The following ACCSL variants were observed in gnomAD, a reference collection of about 807,000 sequenced individuals.
ACCSL encodes probable inactive 1-aminocyclopropane-1-carboxylate synthase-like protein 2.
In ACCSL, 55 loss-of-function variants were observed where a neutral mutation model predicts 61.7. That is an observed-to-expected ratio of 0.89 (90% CI 0.72 to 1.12). ACCSL has a LOEUF of 1.12. ACCSL is among the 50% of genes most tolerant of loss of function. ACCSL has a pLI of 0.00. For synonymous variants in ACCSL, 258 were observed against 264.3 expected, an observed-to-expected ratio of 0.98 and a Z score of 0.23; for missense variants, 632 against 698.0, an observed-to-expected ratio of 0.91 and a Z score of 1.07.
At chr11:44,015,750 C>CT in the ACCSL span, among the ~76,000 whole-genome samples, 1 of 152,184 alleles carries the variant, frequency 6.6e-6, no homozygotes, top group Non-Finnish European at 1.5e-5. Flanking sequence ...AGAGCCTGGG[C>CT]TGCGTCATCA....
At chr11:44,002,772 A>T in the ACCSL span, among the ~76,000 whole-genome samples, 67,504 of 151,930 alleles carry the variant, frequency 0.44, 15,545 homozygotes, top group Middle Eastern at 0.57. Context: ...TAAAATGGGG[A>T]TAGTTACCCT....
chr11:43,984,453 T>G, the ACCSL span, among the ~76,000 whole-genome samples: 1 of 152,162 alleles, frequency 6.6e-6, no homozygotes, highest in African/African-American at 2.4e-5. Flanking sequence ...GAATGGACTA[T>G]GGGATCACAC....
chr11:44,038,797 T>A, the ACCSL span, among the ~76,000 whole-genome samples: 1 of 152,220 alleles, frequency 6.6e-6, no homozygotes, highest in Non-Finnish European at 1.5e-5. Flanking sequence ...TGAATGCCTA[T>A]TGGAGGAATA....
the ACCSL span, among the ~76,000 whole-genome samples, chr11:43,956,644 C>T: frequency 6.6e-6 from 1 of 152,216 alleles, no homozygotes; most frequent in Non-Finnish European, 1.5e-5. Flanking sequence ...TGGTCTCAAT[C>T]TCCTGACCTT....
At chr11:43,930,486 G>T in the ACCSL span, among the ~76,000 whole-genome samples, 5 of 152,106 alleles carry the variant, frequency 3.3e-5, no homozygotes, top group African/African-American at 9.7e-5. Flanking sequence ...GTGAGTTCTT[G>T]CTCTGTTATT....
chr11:43,995,877 T>TCCTC, the ACCSL span, among the ~76,000 whole-genome samples: 3 of 152,170 alleles, frequency 2.0e-5, no homozygotes, highest in Non-Finnish European at 4.4e-5. Context: ...GATATGGAAG[T>TCCTC]CCTCCCCTAA....
At chr11:43,938,539 C>T in the ACCSL span, among the ~76,000 whole-genome samples, 1 of 152,236 alleles carries the variant, frequency 6.6e-6, no homozygotes, top group Non-Finnish European at 1.5e-5. Context: ...TGCAGTGACT[C>T]ACGCCTGTAA....
In ACCSL at chr11:44,059,862, T is replaced by C. The variant is rs1282278131; in HGVS notation, c.1649T>C (p.Leu550Pro). Residue 550 changes from leucine to proline, a missense_variant, in exon 14 of 14, where the codon CTG becomes CCG. Transcript: ENST00000378832. Reference protein sequence around the residue: ...KLAMRRFCDVLQEQKEALIVK... With the variant: ...KLAMRRFCDVPQEQKEALIVK... The stretch of plus-strand genomic sequence containing the variant: ...GCTATGCGTCGGTTCTGTGATGTGC[T>C]GCAGGAGCAGAAGGAGGCTTTGATA... The C allele has an allele frequency of 4.3e-6, 7 of 1,613,918 alleles. No individual in the cohort carries two copies. The East Asian group carries it at 1.6e-4, about 36-fold the overall frequency.
chr11:43,921,641 C>T, the ACCSL span, among the ~76,000 whole-genome samples: 3 of 152,126 alleles, frequency 2.0e-5, no homozygotes, highest in Non-Finnish European at 4.4e-5. Context: ...CAGATGGTTC[C>T]AAGTCTTCCA....
At chr11:43,930,620 G>T in the ACCSL span, among the ~76,000 whole-genome samples, 1 of 152,102 alleles carries the variant, frequency 6.6e-6, no homozygotes. Flanking sequence ...GGCTTCACCA[G>T]AGCCAAGCAG....
chr11:43,978,532 A>G, the ACCSL span, among the ~76,000 whole-genome samples: 1 of 152,208 alleles, frequency 6.6e-6, no homozygotes, highest in Non-Finnish European at 1.5e-5. Context: ...CAGGCATCAA[A>G]GGGCCCAGAA....
the ACCSL span, among the ~76,000 whole-genome samples, chr11:43,981,999 C>T: frequency 1.3e-5 from 2 of 152,214 alleles, no homozygotes; most frequent in Non-Finnish European, 2.9e-5. Flanking sequence ...AGCTAGAGTC[C>T]GTTTGCTGAG....
At chr11:43,981,511 A>T in the ACCSL span, among the ~76,000 whole-genome samples, 8 of 152,216 alleles carry the variant, frequency 5.3e-5, no homozygotes, top group African/African-American at 1.9e-4. Context: ...ATTTTTGATC[A>T]ATGTCAATAT....
chr11:44,056,693 A>G (rs1590432840), intron 11 of ACCSL, among the ~76,000 whole-genome samples: 1 of 152,178 alleles, frequency 6.6e-6, no homozygotes, highest in African/African-American at 2.4e-5. Context: ...TTAGCCAGGC[A>G]TGCTGGCAAA....
chr11:44,034,926 C>T, the ACCSL span, among the ~76,000 whole-genome samples: 621 of 152,274 alleles, frequency 4.1e-3, 4 homozygotes, highest in African/African-American at 0.014. Context: ...TATTATCTTC[C>T]CATCATGCTC....
At chr11:43,986,941 G>A in the ACCSL span, among the ~76,000 whole-genome samples, 1 of 152,162 alleles carries the variant, frequency 6.6e-6, no homozygotes, top group African/African-American at 2.4e-5. Flanking sequence ...GTGAAAGCAA[G>A]AGCTCCTTAG....
the ACCSL span, among the ~76,000 whole-genome samples, chr11:43,996,028 A>G: frequency 3.3e-5 from 5 of 152,194 alleles, no homozygotes; most frequent in Non-Finnish European, 4.4e-5. Context: ...AGAGGCAGAC[A>G]CAGAGGGAAG....
At chr11:44,055,116 T>TGC in intron 8 of ACCSL, 86 bp from the exon 9 acceptor site, 1 of 950,024 alleles carries the variant, frequency 1.1e-6, no homozygotes, top group South Asian at 1.6e-5. Flanking sequence ...TGACTTAAGA[T>TGC]TACAAAGATG....
At chr11:43,974,148 T>C in the ACCSL span, 2 of 152,244 alleles carry the variant, frequency 1.3e-5, no homozygotes, top group Non-Finnish European at 2.9e-5. Context: ...GACCTCAAGA[T>C]ATATACCTTT....
Sources: allele counts gnomAD v4.1 joint callset (sites outside exome capture counted in the v4.1 genomes callset), GRCh38; gene constraint gnomAD v4.1.1; transcripts MANE v1.5; gene names NCBI Gene and HGNC (gene_info 2026-07-23, HGNC 2026-07-21).